The following DEPTOR variants were observed in gnomAD, a reference collection of about 807,000 sequenced individuals.
DEPTOR encodes the protein DEP domain-containing mTOR-interacting protein.
In DEPTOR, 41 loss-of-function variants were observed where a neutral mutation model predicts 41.6. The ratio of observed to expected loss-of-function variants is 0.98; its 90% CI spans 0.77 to 1.28. The LOEUF is 1.28. Among genes scored for constraint, DEPTOR ranks in the 50% most tolerant of loss-of-function variants. The pLI is 0.00. For synonymous variants in DEPTOR, 195 were observed against 192.3 expected, an observed-to-expected ratio of 1.01 and a Z score of -0.12; for missense variants, 514 against 527.9, an observed-to-expected ratio of 0.97 and a Z score of 0.26.
chr8:119,944,661 T>C (rs1050113900), intron 3 of DEPTOR, among the ~76,000 whole-genome samples: 1 of 150,718 alleles, frequency 6.6e-6, no homozygotes, highest in African/African-American at 2.4e-5. Flanking sequence ...TCTTTTCTTT[T>C]TTTTTTTTTT....
At chr8:119,935,999 GT>G (rs67211224) in intron 3 of DEPTOR, among the ~76,000 whole-genome samples, 42,745 of 123,624 alleles carry the variant, frequency 0.35, 6,847 homozygotes, top group African/African-American at 0.54. Context: ...TAGTCTAGTT[GT>G]TTTTTTTTTT....
chr8:120,024,673 A>G (rs1812772502), intron 8 of DEPTOR, among the ~76,000 whole-genome samples: 1 of 152,094 alleles, frequency 6.6e-6, no homozygotes, highest in African/African-American at 2.4e-5. Context: ...TTGTGGGCAA[A>G]CTCCAAAAGC....
intron 4 of DEPTOR, among the ~76,000 whole-genome samples, chr8:119,990,024 C>T (rs1273332337): frequency 6.6e-6 from 1 of 152,226 alleles, no homozygotes; most frequent in African/African-American, 2.4e-5. Context: ...TTAGGCTTCT[C>T]TGCACTTACA....
chr8:119,992,679 A>G (rs1353178787), intron 4 of DEPTOR, among the ~76,000 whole-genome samples: 2 of 137,210 alleles, frequency 1.5e-5, no homozygotes, highest in East Asian at 4.1e-4. Context: ...TTTTTTTGAG[A>G]CAGAGTCTTA....
intron 1 of DEPTOR, among the ~76,000 whole-genome samples, chr8:119,927,602 A>G (rs1288668397): frequency 2.7e-5 from 4 of 147,092 alleles, no homozygotes; most frequent in Admixed American, 1.4e-4. Context: ...ATATATATAT[A>G]AATATATATA....
intron 3 of DEPTOR, among the ~76,000 whole-genome samples, chr8:119,947,152 C>A (rs1328109552): frequency 6.6e-6 from 1 of 152,154 alleles, no homozygotes; most frequent in Admixed American, 6.5e-5. Context: ...ATCATAGCAC[C>A]CAACTGCAGT....
intron 8 of DEPTOR, among the ~76,000 whole-genome samples, chr8:120,017,516 T>G (rs1812632019): frequency 6.6e-6 from 1 of 152,202 alleles, no homozygotes; most frequent in Non-Finnish European, 1.5e-5. Flanking sequence ...ATTTGTATTC[T>G]TGTTGGAGTG....
rs1005096274 is a variant in DEPTOR at position 119,874,762 on chromosome 8, T to C, written c.122+794T>C. 3.3e-5 allele frequency among the ~76,000 whole-genome samples: 5 copies of C among 152,256 alleles called. No homozygotes were observed. In the South Asian group the frequency reaches 6.2e-4, roughly 19 times the overall value. On this transcript the variant is annotated intron_variant, in intron 1 of 8. Transcript: ENST00000286234. ...ACAAGGACGACCCCCAGAATCCCCCTTGCCATTCCCATCCCTGTATGGTCC... is the reference window on the plus strand; with the variant it reads ...ACAAGGACGACCCCCAGAATCCCCCCTGCCATTCCCATCCCTGTATGGTCC...
At chr8:119,961,919 A>G (rs1263997730) in intron 3 of DEPTOR, among the ~76,000 whole-genome samples, 3 of 151,984 alleles carry the variant, frequency 2.0e-5, no homozygotes, top group Admixed American at 2.0e-4. Flanking sequence ...TGACCGTGAC[A>G]TTTTATATGG....
chr8:119,894,942 C>T (rs534767332), intron 1 of DEPTOR, among the ~76,000 whole-genome samples: 144 of 152,174 alleles, frequency 9.5e-4, no homozygotes, highest in African/African-American at 3.3e-3. Flanking sequence ...ACATTTGTAC[C>T]ACACGAGGCC....
At chr8:119,878,321 A>G (rs1406448631) in intron 1 of DEPTOR, among the ~76,000 whole-genome samples, 1 of 104,286 alleles carries the variant, frequency 9.6e-6, no homozygotes, top group Non-Finnish European at 2.1e-5. Context: ...CAATCCTGAC[A>G]CTTTTTTTTT....
chr8:119,995,280 T>C (rs533545973), intron 4 of DEPTOR, among the ~76,000 whole-genome samples: 32 of 152,176 alleles, frequency 2.1e-4, no homozygotes, highest in African/African-American at 7.2e-4. Flanking sequence ...GTACTTTTCA[T>C]TGTATGATAA....
At chr8:119,874,700 A>C (rs1481993354) in intron 1 of DEPTOR, among the ~76,000 whole-genome samples, 1 of 152,104 alleles carries the variant, frequency 6.6e-6, no homozygotes, top group Admixed American at 6.6e-5. Context: ...TGGCTCCTGC[A>C]AGAATTAAGA....
intron 6 of DEPTOR, 120 bp downstream of exon 6, chr8:120,003,231 C>T (rs1040762173): frequency 1.2e-5 from 18 of 1,493,490 alleles, no homozygotes; most frequent in South Asian, 6.5e-5. Context: ...AGAGCATGCT[C>T]TTGGGGTCCA....
chr8:119,912,168 C>A (rs1045257468), intron 1 of DEPTOR, among the ~76,000 whole-genome samples: 4 of 152,136 alleles, frequency 2.6e-5, no homozygotes, highest in African/African-American at 9.6e-5. Context: ...AGAGGGAGAG[C>A]ATATTCTGAA....
chr8:119,888,617 A>AGGCCGAGGCAGGCAGAT lies in DEPTOR; in HGVS notation c.122+14653_122+14669dup, dbSNP rs1827405412. 5.3e-5 allele frequency among the ~76,000 whole-genome samples: 8 copies of AGGCCGAGGCAGGCAGAT among 152,268 alleles called. No homozygotes were observed. In the South Asian group the frequency reaches 1.7e-3, roughly 32 times the overall value. On this transcript the variant is annotated intron_variant, in intron 1 of 8. Coordinates refer to ENST00000286234, the MANE Select transcript of DEPTOR (RefSeq NM_022783.4). ...ACGCCTGTAATCCCAGCACTTTGGGAGGCCGAGGCAGGCAGATGGCTTGAG... is the reference window on the plus strand; with the variant it reads ...ACGCCTGTAATCCCAGCACTTTGGGAGGCCGAGGCAGGCAGATGGCCGAGGCAGGCAGATGGCTTGAG...
In DEPTOR at chr8:119,878,951, A is replaced by G. The variant is rs76220824; in HGVS notation, c.122+4983A>G. Among the ~76,000 whole-genome samples, 870 of 151,856 alleles carry G rather than the reference A, an allele frequency of 5.7e-3. 31 individuals carry two copies. The East Asian group carries it at 0.11, about 19-fold the overall frequency. On this transcript the variant is annotated intron_variant, in intron 1 of 8. Coordinates refer to ENST00000286234, the MANE Select transcript of DEPTOR (RefSeq NM_022783.4). Reference sequence around the variant, plus strand: ...CATGGAGAAACCCCATCTCTACTAAAAATACAAAATTAGCCAGGCGTGGTG... The same window carrying G: ...CATGGAGAAACCCCATCTCTACTAAGAATACAAAATTAGCCAGGCGTGGTG...
intron 1 of DEPTOR, among the ~76,000 whole-genome samples, chr8:119,908,554 T>C (rs573697496): frequency 1.1e-4 from 17 of 152,320 alleles, no homozygotes; most frequent in Non-Finnish European, 2.4e-4. Context: ...TTAAAGCCAG[T>C]CAGTTAAAAG....
intron 4 of DEPTOR, among the ~76,000 whole-genome samples, chr8:119,987,133 T>A (rs1407235481): frequency 6.6e-6 from 1 of 152,142 alleles, no homozygotes; most frequent in Non-Finnish European, 1.5e-5. Flanking sequence ...GAATTTTCAG[T>A]CTTTTTGTGC....
Sources: gnomAD v4.1 joint callset for allele counts (sites outside exome capture counted in the v4.1 genomes callset) on GRCh38, gnomAD v4.1.1 for gene constraint, MANE v1.5 for transcripts, NCBI Gene and HGNC (gene_info 2026-07-23, HGNC 2026-07-21) for gene names.